The following CDCP1 variants were observed in gnomAD, a reference collection of about 807,000 sequenced individuals.
CDCP1 encodes the protein CUB domain containing protein 1.
A neutral mutation model predicts 60.2 loss-of-function variants in CDCP1; 29 were observed. The observed-to-expected ratio is 0.48, with a 90% CI of 0.36 to 0.66. CDCP1 has a LOEUF of 0.66. Ranked by LOEUF, CDCP1 falls within the 30% of genes least tolerant of loss-of-function variation. CDCP1 has a pLI of 0.00. For missense variants in CDCP1, 876 were observed against 1,074.3 expected (o/e 0.82, Z 2.58); for synonymous variants, 387 against 431.1 (o/e 0.90, Z 1.27).
chr3:45,091,451 G>A lies in CDCP1; in HGVS notation c.1715C>T (p.Thr572Ile), dbSNP rs765934457. The change falls in exon 7 of 9, where the codon ACC (threonine) becomes ATC (isoleucine). Residue 572 changes from threonine (T) to isoleucine (I), a missense_variant. Thr to Ile is a moderately conservative substitution (Grantham distance 89). Transcript: ENST00000296129. The surrounding 1 kb of genome is among the most constrained non-coding windows in gnomAD (Gnocchi z 4.8). ...CACGCTGATGTTCCAGGACACAGAG[G>A]TGAGGGATGGCAGGCCCCGGTCCCA... ...PNWDRGLPSL[T>I]SVSWNISVPR... 6.2e-7 allele frequency: 1 copy of A among 1,612,472 alleles called. No individual in the cohort carries two copies. The highest frequency in any genetic ancestry group is 1.1e-5 in the South Asian group (1 of 90,750).
At chr3:45,137,671 T>G (rs1487249808) in intron 1 of CDCP1, among the ~76,000 whole-genome samples, 3 of 67,586 alleles carry the variant, frequency 4.4e-5, no homozygotes, top group Non-Finnish European at 9.5e-5. Flanking sequence ...AAAAAAAAAA[T>G]TAGCCAGGCA....
At chr3:45,137,334 G>A (rs1410537371) in intron 1 of CDCP1, among the ~76,000 whole-genome samples, 2 of 152,172 alleles carry the variant, frequency 1.3e-5, no homozygotes, top group East Asian at 3.8e-4. Flanking sequence ...GCAAGGAGGG[G>A]AAGATGCCAG....
intron 1 of CDCP1, among the ~76,000 whole-genome samples, 174 bp downstream of exon 1, chr3:45,146,032 A>G (rs1863836): frequency 0.93 from 141,921 of 151,918 alleles, 67,061 homozygotes; most frequent in East Asian, 1. Flanking sequence ...GCAGGAACCG[A>G]ACAGTCCGGG....
At chr3:45,101,468 G>A (rs562423853) in intron 4 of CDCP1, among the ~76,000 whole-genome samples, 8 of 152,110 alleles carry the variant, frequency 5.3e-5, no homozygotes, top group Non-Finnish European at 1.0e-4. Context: ...AAATTGTGTG[G>A]GCCCTGGGAC....
chr3:45,085,904 C>T lies in CDCP1; in HGVS notation c.2245G>A (p.Asp749Asn), dbSNP rs141086872. The T allele has an allele frequency of 2.4e-4, 393 of 1,614,190 alleles. 1 individual carries two copies. Among genetic ancestry groups the T allele is most frequent in the Middle Eastern group, 1.5e-3 (9 of 6,062 alleles). The change falls in exon 9 of 9, where the codon GAT becomes AAT. Residue 749 changes from aspartate to asparagine, a missense_variant. Asp to Asn is a conservative substitution (Grantham distance 23). This residue lies in a region of CDCP1 where 726 missense variants were observed against 935.7 expected (regional missense o/e 0.78). Transcript: ENST00000296129. This position sits in a 1 kb window ranked among gnomAD's most constrained non-coding sequence, Gnocchi z 4.2. ...GGCTGCAGGAAGGAGCCGCTGGAATCCTGTAGCAGATGCCCATATACCATG... is the reference window on the plus strand; with the variant it reads ...GGCTGCAGGAAGGAGCCGCTGGAATTCTGTAGCAGATGCCCATATACCATG... The part of the protein sequence containing the change: ...DTMVYGHLLQ[D>N]SSGSFLQPEV...
In CDCP1 at chr3:45,108,790, C is replaced by T. The variant is rs1170980503; in HGVS notation, c.1024+1683G>A. ...ATATATGCATGTATACATATATATG[C>T]ATGTATATATATATATGCATGTATA... On this transcript the variant is annotated intron_variant, in intron 4 of 8. Coordinates refer to ENST00000296129, the MANE Select transcript of CDCP1 (RefSeq NM_022842.5). 2.5e-4 allele frequency among the ~76,000 whole-genome samples: 6 copies of T among 23,788 alleles called. 1 individual carries two copies. In the East Asian group the frequency reaches 5.6e-3, roughly 22 times the overall value. 15.6% of individuals were successfully genotyped at this position (23,788 alleles called of 152,430 possible).
At position 45,085,892 on chromosome 3, in the gene CDCP1, A is replaced by G. The variant is rs757473509; in HGVS notation, c.2257T>C (p.Ser753Pro). 6 of 1,614,028 alleles carry G rather than the reference A, an allele frequency of 3.7e-6. No homozygotes were observed. ...GTGTCCACCTCTGGCTGCAGGAAGGAGCCGCTGGAATCCTGTAGCAGATGC... is the reference window on the plus strand; with the variant it reads ...GTGTCCACCTCTGGCTGCAGGAAGGGGCCGCTGGAATCCTGTAGCAGATGC... Reference protein sequence around the residue: ...YGHLLQDSSGSFLQPEVDTYR... With the variant: ...YGHLLQDSSGPFLQPEVDTYR... The change falls in exon 9 of 9, where the codon TCC becomes CCC. Residue 753 changes from serine to proline, a missense_variant. Ser to Pro is a moderately conservative substitution (Grantham distance 74, BLOSUM62 -1). Transcript: ENST00000296129. This position sits in a 1 kb window ranked among gnomAD's most constrained non-coding sequence, Gnocchi z 4.2.
chr3:45,129,655 T>C (rs1274615487), intron 1 of CDCP1, among the ~76,000 whole-genome samples: 4 of 152,166 alleles, frequency 2.6e-5, no homozygotes, highest in Non-Finnish European at 5.9e-5. Context: ...CCCATCTGTA[T>C]GTACACTCAG....
At chr3:45,111,939 G>A (rs1698700887) in intron 3 of CDCP1, 144 bp downstream of exon 3, 3 of 1,055,080 alleles carry the variant, frequency 2.8e-6, no homozygotes, top group African/African-American at 1.6e-5. Flanking sequence ...CATGACCCAT[G>A]TCACTTATAA....
At chr3:45,120,944 G>A (rs935030864) in intron 1 of CDCP1, among the ~76,000 whole-genome samples, 2 of 151,842 alleles carry the variant, frequency 1.3e-5, no homozygotes, top group African/African-American at 2.4e-5. Flanking sequence ...TGAACCCTGC[G>A]CTTGATGTCC....
chr3:45,093,126 A>G (rs935582651), intron 6 of CDCP1, 151 bp downstream of exon 6: 1 of 813,160 alleles, frequency 1.2e-6, no homozygotes, highest in Non-Finnish European at 1.9e-6. Flanking sequence ...CAGGATTAGG[A>G]CTCACTATCT....
rs116401629 is a variant in CDCP1 at position 45,115,169 on chromosome 3, T to A, written c.293-2724A>T. On this transcript the variant is annotated intron_variant, in intron 2 of 8. Transcript: ENST00000296129. ...CACCTGAGCCCAGGAGGTTTGAGGC[T>A]ACAGTGAGCTGTGGTCACCACTGCA... 5.4e-3 allele frequency among the ~76,000 whole-genome samples: 691 copies of A among 127,480 alleles called. 3 individuals carry two copies. Among genetic ancestry groups the A allele is most frequent in the African/African-American group, 0.02 (635 of 32,466 alleles). 83.6% of individuals were successfully genotyped at this position (127,480 alleles called of 152,430 possible). A position where few individuals can be genotyped will look rare whatever the true frequency, so the allele number is the denominator to read the frequency against.
rs554045583 is a variant in CDCP1, at chr3:45,096,549, C to T, written c.1025-981G>A. Among the ~76,000 whole-genome samples, 25 of 133,174 alleles carry T rather than the reference C, an allele frequency of 1.9e-4. No homozygotes were observed. The South Asian group carries it at 6.0e-3, about 32-fold the overall frequency. 87.4% of individuals were successfully genotyped at this position (133,174 alleles called of 152,430 possible). A position where few individuals can be genotyped will look rare whatever the true frequency, so the allele number is the denominator to read the frequency against. On this transcript the variant is annotated intron_variant, in intron 4 of 8. Coordinates refer to ENST00000296129, the MANE Select transcript of CDCP1 (RefSeq NM_022842.5). Reference sequence around the variant, plus strand: ...CTGAGACAGGAGAATCGCTTGAACCCGGGAGGCGGAGGTTGTTGAGAGCTG... The same window carrying T: ...CTGAGACAGGAGAATCGCTTGAACCTGGGAGGCGGAGGTTGTTGAGAGCTG...
chr3:45,089,771 C>G (rs1698261213), intron 7 of CDCP1, among the ~76,000 whole-genome samples: 1 of 152,166 alleles, frequency 6.6e-6, no homozygotes, highest in African/African-American at 2.4e-5. Flanking sequence ...ACTTCAAAGG[C>G]TACTCCTGGC....
chr3:45,118,656 G>A, intron 1 of CDCP1, 35 bp from the exon 2 acceptor site: 4 of 1,581,546 alleles, frequency 2.5e-6, no homozygotes, highest in Non-Finnish European at 3.5e-6. Context: ...TAAGCAGGAT[G>A]ATTTAGGTCT....
intron 1 of CDCP1, among the ~76,000 whole-genome samples, chr3:45,126,229 T>C (rs1017580627): frequency 6.7e-5 from 10 of 149,358 alleles, no homozygotes; most frequent in Admixed American, 4.0e-4. Flanking sequence ...TTTCTTTCCT[T>C]CCTTTCTTCC....
intron 4 of CDCP1, among the ~76,000 whole-genome samples, chr3:45,099,846 G>A (rs1299314625): frequency 6.6e-6 from 1 of 151,816 alleles, no homozygotes; most frequent in African/African-American, 2.4e-5. Flanking sequence ...AATTACAACC[G>A]GTTCCTTTTA....
At chr3:45,126,643 A>C (rs1699005445) in intron 1 of CDCP1, among the ~76,000 whole-genome samples, 1 of 152,202 alleles carries the variant, frequency 6.6e-6, no homozygotes, top group South Asian at 2.1e-4. Context: ...CATAAGAAAG[A>C]ACTAGAACAT....
chr3:45,088,222 C>T (rs901831878), intron 8 of CDCP1, among the ~76,000 whole-genome samples: 1 of 152,192 alleles, frequency 6.6e-6, no homozygotes, highest in East Asian at 1.9e-4. Context: ...TGGCTCATGC[C>T]TGTAATCCCA....
Sources: gnomAD v4.1 joint callset for allele counts (sites outside exome capture counted in the v4.1 genomes callset) on GRCh38, gnomAD v4.1.1 for gene constraint, gnomAD v4.1.1 regional missense constraint, Gnocchi (gnomAD v3.1) non-coding constraint, MANE v1.5 for transcripts, NCBI Gene and HGNC (gene_info 2026-07-23, HGNC 2026-07-21) for gene names.